Variants in AGO2 observed in about 807,000 individuals in gnomAD.
AGO2 encodes protein argonaute-2.
Under a neutral mutation model 102.3 loss-of-function variants are expected in AGO2, and 5 were observed. The ratio of observed to expected loss-of-function variants is 0.05; its 90% CI spans 0.03 to 0.10. The LOEUF is 0.10. Ranked by LOEUF, AGO2 falls within the 10% of genes least tolerant of loss-of-function variation. AGO2 has a pLI of 1.00. For synonymous variants in AGO2, 449 were observed against 473.1 expected, an observed-to-expected ratio of 0.95 and a Z score of 0.66; for missense variants, 541 against 1,183.7, an observed-to-expected ratio of 0.46 and a Z score of 7.97.
intron 3 of AGO2, among the ~76,000 whole-genome samples, chr8:140,571,890 C>A (rs2073382477): frequency 6.6e-6 from 1 of 152,108 alleles, no homozygotes. Context: ...GGATTACAGG[C>A]ACCTAGCTAA....
chr8:140,554,400 C>A (rs983267725), intron 10 of AGO2, among the ~76,000 whole-genome samples: 4 of 152,306 alleles, frequency 2.6e-5, no homozygotes, highest in African/African-American at 9.6e-5. Flanking sequence ...TGGGGTGCCA[C>A]GCAGCAGTGC....
chr8:140,607,513 T>C (rs7357520), intron 1 of AGO2, among the ~76,000 whole-genome samples: 467 of 10,232 alleles, frequency 0.046, 5 homozygotes, highest in African/African-American at 0.096. Flanking sequence ...TATATATATA[T>C]ATACACACAC....
intron 3 of AGO2, among the ~76,000 whole-genome samples, chr8:140,565,632 ACT>A (rs1174471804): frequency 3.4e-5 from 5 of 148,368 alleles, no homozygotes; most frequent in African/African-American, 9.9e-5. Flanking sequence ...TCAGAGTGAG[ACT>A]CTGTCTCAAA....
chr8:140,564,307 C>T (rs896447506), intron 3 of AGO2, among the ~76,000 whole-genome samples: 5 of 145,658 alleles, frequency 3.4e-5, no homozygotes, highest in African/African-American at 7.8e-5. Flanking sequence ...GGTGGGGGGA[C>T]GCAATCAAGG....
chr8:140,594,803 C>T (rs1412209290), intron 1 of AGO2, among the ~76,000 whole-genome samples: 1 of 119,542 alleles, frequency 8.4e-6, no homozygotes, highest in African/African-American at 3.1e-5. Context: ...AGTGAGAACC[C>T]GTCTCGACGG....
Position 140,567,001 on chromosome 8 carries a change from C to T in AGO2, c.337-4367G>A, listed in dbSNP as rs953827750. Among the ~76,000 whole-genome samples, 2 of 152,232 alleles carry T rather than the reference C, an allele frequency of 1.3e-5. No individual in the cohort carries two copies. Among genetic ancestry groups the T allele is most frequent in the Non-Finnish European group, 2.9e-5 (2 of 68,044 alleles). ...GGTACTTTAGGCCCGAGTACATCTG[C>T]GGCAACAGCACTCGGCATCCAGCCT... On this transcript the variant is annotated intron_variant, in intron 3 of 18. Coordinates refer to ENST00000220592, the MANE Select transcript of AGO2 (RefSeq NM_012154.5). This position sits in a 1 kb window ranked among gnomAD's most constrained non-coding sequence, Gnocchi z 5.0.
chr8:140,521,014 G>A lies in AGO2; in HGVS notation c.*11030C>T, dbSNP rs1048135916. 3.3e-5 allele frequency: 5 copies of A among 152,016 alleles called. No individual in the cohort carries two copies. The highest frequency in any genetic ancestry group is 1.2e-4 in the African/African-American group (5 of 41,392). 9.4% of individuals were successfully genotyped at this position (152,016 alleles called of 1,614,324 possible). ...TCAACAGTCTATTGGGGTCCAAAAAGCATATATCAAAACAAAAATAACAAA... is the reference window on the plus strand; with the variant it reads ...TCAACAGTCTATTGGGGTCCAAAAAACATATATCAAAACAAAAATAACAAA... On this transcript the variant is annotated 3_prime_UTR_variant, in exon 19 of 19. Transcript: ENST00000220592.
chr8:140,537,203 G>T (rs1320677043), intron 16 of AGO2, among the ~76,000 whole-genome samples: 1 of 152,054 alleles, frequency 6.6e-6, no homozygotes. Flanking sequence ...GACTTCCTTT[G>T]TCCTGGTAGA....
chr8:140,641,335 C>G, the AGO2 span, among the ~76,000 whole-genome samples: 16 of 138,742 alleles, frequency 1.2e-4, no homozygotes. Context: ...CACACACACA[C>G]AAAACAGCAA....
rs115625831 is a variant in AGO2 at position 140,552,900 on chromosome 8, T to C, written c.1270-1464A>G. Reference sequence around the variant, plus strand: ...ACCCCCAAGTTGTGACAATAAAAAATGTCTCCAGACACTGCCAGATGTCCC... The same window carrying C: ...ACCCCCAAGTTGTGACAATAAAAAACGTCTCCAGACACTGCCAGATGTCCC... On this transcript the variant is annotated intron_variant, in intron 10 of 18. Transcript: ENST00000220592. 2.9e-3 allele frequency among the ~76,000 whole-genome samples: 446 copies of C among 152,278 alleles called. 3 individuals are homozygous for C. Among genetic ancestry groups the C allele is most frequent in the African/African-American group, 9.8e-3 (407 of 41,570 alleles).
Position 140,583,648 on chromosome 8 carries a change from C to T in AGO2, c.215+1471G>A, listed in dbSNP as rs188178068. Among the ~76,000 whole-genome samples, 5 of 152,228 alleles carry T rather than the reference C, an allele frequency of 3.3e-5. No individual in the cohort carries two copies. The East Asian group carries it at 9.7e-4, about 29-fold the overall frequency. On this transcript the variant is annotated intron_variant, in intron 2 of 18. Transcript: ENST00000220592. The stretch of plus-strand genomic sequence containing the variant: ...CAGCACTCTGAGAGGCTGAAGCAGG[C>T]AGATCACTTGAGGTCAGGAGTTCAA...
At chr8:140,576,203 A>T (rs1335580441) in intron 2 of AGO2, among the ~76,000 whole-genome samples, 2 of 152,208 alleles carry the variant, frequency 1.3e-5, no homozygotes, top group Non-Finnish European at 2.9e-5. Flanking sequence ...AATCCCAGCA[A>T]CTTGGGAGAC....
intron 1 of AGO2, chr8:140,592,324 T>C (rs1006347053): frequency 1.2e-4 from 18 of 152,276 alleles, no homozygotes; most frequent in Admixed American, 1.0e-3. Flanking sequence ...ACATGAAGAA[T>C]GCCTTATGCG....
chr8:140,587,402 G>GGAAGGTCCACCTTCCC (rs1001372243), intron 1 of AGO2, among the ~76,000 whole-genome samples: 4 of 152,246 alleles, frequency 2.6e-5, no homozygotes, highest in African/African-American at 9.6e-5. Context: ...GAGGGGCCAG[G>GGAAGGTCCACCTTCCC]GAAGGTCCAC....
At chr8:140,593,550 T>A (rs1189106102) in intron 1 of AGO2, among the ~76,000 whole-genome samples, 3 of 135,446 alleles carry the variant, frequency 2.2e-5, no homozygotes, top group South Asian at 2.4e-4. Flanking sequence ...CTAGGAAAGT[T>A]AAAAAAAAAA....
intron 1 of AGO2, among the ~76,000 whole-genome samples, chr8:140,586,719 T>A (rs2073663276): frequency 6.6e-6 from 1 of 152,128 alleles, no homozygotes; most frequent in Non-Finnish European, 1.5e-5. Flanking sequence ...CCGACTGAGC[T>A]TCTCTCTACG....
intron 2 of AGO2, among the ~76,000 whole-genome samples, chr8:140,583,640 G>A (rs1030702150): frequency 2.0e-5 from 3 of 152,222 alleles, no homozygotes; most frequent in Admixed American, 6.5e-5. Flanking sequence ...CTGAGAGGCT[G>A]AAGCAGGCAG....
chr8:140,586,570 C>A (rs2073659496), intron 1 of AGO2, among the ~76,000 whole-genome samples: 1 of 152,242 alleles, frequency 6.6e-6, no homozygotes, highest in South Asian at 2.1e-4. Context: ...AGGTGTCAGT[C>A]ATCCACAGGA....
chr8:140,632,197 G>A (rs1182985718), intron 1 of AGO2, among the ~76,000 whole-genome samples: 3 of 152,206 alleles, frequency 2.0e-5, no homozygotes, highest in South Asian at 2.1e-4. Context: ...GTTTGGAAGC[G>A]TTTACATCTT....
Sources: gnomAD v4.1 joint callset for allele counts (sites outside exome capture counted in the v4.1 genomes callset) on GRCh38, gnomAD v4.1.1 for gene constraint, Gnocchi (gnomAD v3.1) non-coding constraint, MANE v1.5 for transcripts, NCBI Gene and HGNC (gene_info 2026-07-23, HGNC 2026-07-21) for gene names.